The following SGCD variants were observed in gnomAD, a reference collection of about 807,000 sequenced individuals.
The protein encoded by SGCD is sarcoglycan delta.
SGCD carries 18 observed loss-of-function variants against 36.6 expected under a neutral mutation model. The observed-to-expected ratio is 0.49, with a 90% CI of 0.34 to 0.73. The LOEUF (loss-of-function observed/expected upper bound fraction) is 0.73, where lower values mean the gene tolerates loss of function less well. SGCD is among the 30% of genes least tolerant of loss of function. The pLI, the probability that SGCD is intolerant of heterozygous loss-of-function variation, is 0.01. For synonymous variants in SGCD, 133 were observed against 130.6 expected, an observed-to-expected ratio of 1.02 and a Z score of -0.12; for missense variants, 387 against 346.7, an observed-to-expected ratio of 1.12 and a Z score of -0.92.
At chr5:156,600,002 A>C (rs887169630) in intron 6 of SGCD, among the ~76,000 whole-genome samples, 3 of 152,236 alleles carry the variant, frequency 2.0e-5, no homozygotes, top group African/African-American at 7.2e-5. Flanking sequence ...GTAAGCATTC[A>C]GTACATGCTA....
intron 1 of SGCD, among the ~76,000 whole-genome samples, chr5:155,878,556 A>G (rs1391642922): frequency 6.6e-6 from 1 of 152,070 alleles, no homozygotes; most frequent in Non-Finnish European, 1.5e-5. Flanking sequence ...TAATTTGCCT[A>G]GGATAATAAA....
chr5:155,952,993 G>A (rs1035632091), intron 1 of SGCD, among the ~76,000 whole-genome samples: 1 of 152,130 alleles, frequency 6.6e-6, no homozygotes, highest in Non-Finnish European at 1.5e-5. Flanking sequence ...TAGAAACACT[G>A]AAAGATAATA....
rs187335379 is a variant in SGCD at position 156,507,004 on chromosome 5, G to T, written c.193-1597G>T. The stretch of plus-strand genomic sequence containing the variant: ...GACTACATTGGCTGATAACCTCATG[G>T]CAAAAATTGTTATGTGCCTACTGAT... On this transcript the variant is annotated intron_variant, in intron 3 of 8. Coordinates refer to ENST00000337851, the MANE Select transcript of SGCD (RefSeq NM_000337.6). Among the ~76,000 whole-genome samples the T allele has an allele frequency of 1.9e-3, 293 of 152,210 alleles. 1 individual carries two copies. The highest frequency in any genetic ancestry group is 3.6e-3 in the Non-Finnish European group (248 of 68,004).
chr5:155,742,038 C>G, the SGCD span, among the ~76,000 whole-genome samples: 57,933 of 151,844 alleles, frequency 0.38, 11,703 homozygotes, highest in East Asian at 0.58. Flanking sequence ...GAGAAGAGGG[C>G]TCCATTCAGT....
At chr5:156,469,999 G>C (rs1050073118) in intron 3 of SGCD, among the ~76,000 whole-genome samples, 1 of 152,098 alleles carries the variant, frequency 6.6e-6, no homozygotes, top group Non-Finnish European at 1.5e-5. Flanking sequence ...TATAGAAAGG[G>C]GCACAGTTTC....
the SGCD span, among the ~76,000 whole-genome samples, chr5:155,824,491 A>C: frequency 6.6e-6 from 1 of 152,184 alleles, no homozygotes; most frequent in Non-Finnish European, 1.5e-5. Flanking sequence ...ATTATTAAAT[A>C]ATTGGGAAAA....
At chr5:155,889,267 TA>T (rs1347025846) in intron 1 of SGCD, among the ~76,000 whole-genome samples, 2 of 152,112 alleles carry the variant, frequency 1.3e-5, no homozygotes, top group Non-Finnish European at 2.9e-5. Context: ...ATGATAGATT[TA>T]AAAAAAATTC....
intron 1 of SGCD, among the ~76,000 whole-genome samples, chr5:155,904,584 T>C (rs1160582511): frequency 6.6e-6 from 1 of 152,154 alleles, no homozygotes; most frequent in East Asian, 1.9e-4. Context: ...GCTTATATAG[T>C]ATGTAGGTAG....
chr5:155,873,170 A>C (rs1454972454), intron 1 of SGCD, among the ~76,000 whole-genome samples: 1 of 152,140 alleles, frequency 6.6e-6, no homozygotes, highest in Non-Finnish European at 1.5e-5. Flanking sequence ...CCTGAGCCTC[A>C]TTTGGTAGGT....
intron 1 of SGCD, among the ~76,000 whole-genome samples, chr5:155,887,181 T>C (rs2113307113): frequency 6.6e-6 from 1 of 152,316 alleles, no homozygotes; most frequent in South Asian, 2.1e-4. Context: ...TCCTAAGAAG[T>C]TGCATGGAAA....
At chr5:156,306,446 T>A (rs1217770260) in intron 3 of SGCD, among the ~76,000 whole-genome samples, 1 of 152,222 alleles carries the variant, frequency 6.6e-6, no homozygotes, top group Non-Finnish European at 1.5e-5. Context: ...GAACTGTAAG[T>A]CCATTAAACC....
intron 7 of SGCD, among the ~76,000 whole-genome samples, chr5:156,664,949 C>G (rs1764083458): frequency 6.7e-6 from 1 of 148,684 alleles, no homozygotes; most frequent in Non-Finnish European, 1.5e-5. Flanking sequence ...GCCTCAGTAT[C>G]TCCTTCCTTT....
At chr5:156,349,408 C>T (rs753085256) in intron 3 of SGCD, among the ~76,000 whole-genome samples, 5 of 149,884 alleles carry the variant, frequency 3.3e-5, no homozygotes, top group Non-Finnish European at 5.9e-5. Context: ...GAAAAAAAAA[C>T]AGGTGATCTC....
At position 156,731,484 on chromosome 5, in the gene SGCD, T is replaced by C. The variant is rs1756059217; in HGVS notation, c.576-26097T>C. Among the ~76,000 whole-genome samples, 4 of 152,214 alleles carry C rather than the reference T, an allele frequency of 2.6e-5. No individual in the cohort carries two copies. In the South Asian group the frequency reaches 8.3e-4, roughly 31 times the overall value. ...TAGCCAGTTATCTGAGCACCATTTA[T>C]TGAATAGGGAGTCCTTTTTCCATTG... On this transcript the variant is annotated intron_variant, in intron 7 of 8. Transcript: ENST00000337851.
intron 6 of SGCD, among the ~76,000 whole-genome samples, chr5:156,643,173 C>T (rs1208179385): frequency 1.3e-5 from 2 of 151,950 alleles, no homozygotes; most frequent in Non-Finnish European, 2.9e-5. Flanking sequence ...GCTGGGATTA[C>T]AGGAATGCAC....
chr5:156,357,240 A>G (rs1769539232), intron 3 of SGCD, among the ~76,000 whole-genome samples: 1 of 152,202 alleles, frequency 6.6e-6, no homozygotes, highest in Non-Finnish European at 1.5e-5. Context: ...GACCCTGTGA[A>G]TGGGGACTAT....
At chr5:156,715,605 G>A (rs1755185449) in intron 7 of SGCD, among the ~76,000 whole-genome samples, 1 of 152,138 alleles carries the variant, frequency 6.6e-6, no homozygotes. Flanking sequence ...GCTATATTGT[G>A]TAAAGTTTAA....
chr5:156,438,516 A>G lies in SGCD; in HGVS notation c.193-70085A>G, dbSNP rs145218830. Among the ~76,000 whole-genome samples the G allele has an allele frequency of 5.3e-5, 8 of 152,238 alleles. No homozygotes were observed. The East Asian group carries it at 1.4e-3, about 26-fold the overall frequency. On this transcript the variant is annotated intron_variant, in intron 3 of 8. Coordinates refer to ENST00000337851, the MANE Select transcript of SGCD (RefSeq NM_000337.6). Reference sequence around the variant, plus strand: ...GCCAAAGAGAGGTGTTTATGTTTCTACATGGTAGAAAAGAAACTCCACTTC... The same window carrying G: ...GCCAAAGAGAGGTGTTTATGTTTCTGCATGGTAGAAAAGAAACTCCACTTC...
chr5:156,517,296 A>G (rs1425034326), intron 4 of SGCD, among the ~76,000 whole-genome samples: 2 of 152,222 alleles, frequency 1.3e-5, no homozygotes, highest in African/African-American at 2.4e-5. Context: ...TAGAGAAAAA[A>G]GAATGAAATG....
Sources: gnomAD v4.1 joint callset for allele counts (sites outside exome capture counted in the v4.1 genomes callset) on GRCh38, gnomAD v4.1.1 for gene constraint, MANE v1.5 for transcripts, NCBI Gene and HGNC (gene_info 2026-07-23, HGNC 2026-07-21) for gene names.